PSD3: variants seen among roughly 807,000 people sequenced by gnomAD.
PSD3 encodes the protein PH and SEC7 domain-containing protein 3.
In PSD3, 49 loss-of-function variants were observed where a neutral mutation model predicts 105.5. The observed-to-expected ratio is 0.46, with a 90% CI of 0.37 to 0.59. The LOEUF (loss-of-function observed/expected upper bound fraction) is 0.59. Among genes scored for constraint, PSD3 ranks in the 20% least tolerant of loss-of-function variants. PSD3 has a pLI of 0.00. For synonymous variants in PSD3, 557 were observed against 457.8 expected, an observed-to-expected ratio of 1.22 and a Z score of -2.77; for missense variants, 1,561 against 1,263.8, an observed-to-expected ratio of 1.24 and a Z score of -3.57.
chr8:18,678,044 C>G (rs1290472957), intron 9 of PSD3, among the ~76,000 whole-genome samples: 1 of 150,728 alleles, frequency 6.6e-6, no homozygotes, highest in Admixed American at 6.6e-5. Flanking sequence ...AAAAAACCCA[C>G]AAAACATTAG....
At chr8:18,815,682 G>C (rs2638662) in intron 4 of PSD3, among the ~76,000 whole-genome samples, 1 of 151,902 alleles carries the variant, frequency 6.6e-6, no homozygotes, top group African/African-American at 2.4e-5. Flanking sequence ...TCTCTTTGGC[G>C]TGTTTGGAAC....
Position 18,999,553 on chromosome 8 carries a change from ATG to A in PSD3, c.21+14008_21+14009del, listed in dbSNP as rs1491106748. ...ATTATGTAAAACAAACATAAGCATAATGAGAGAGAGAGGTGTATTGCTAAATG... is the reference window on the plus strand; with the variant it reads ...ATTATGTAAAACAAACATAAGCATAAAGAGAGAGAGGTGTATTGCTAAATG... On this transcript the variant is annotated intron_variant, in intron 1 of 15. Coordinates refer to ENST00000327040, the MANE Select transcript of PSD3 (RefSeq NM_015310.4). Among the ~76,000 whole-genome samples, 12 of 73,824 alleles carry A rather than the reference ATG, an allele frequency of 1.6e-4. No homozygotes were observed. The East Asian group carries it at 9.8e-3, about 60-fold the overall frequency. The allele number at this position is 73,824 out of a possible 152,430, so 48.4% of individuals were successfully genotyped here. A position where few individuals can be genotyped will look rare whatever the true frequency, so the allele number is the denominator to read the frequency against.
chr8:18,975,295 T>C (rs747507320), intron 1 of PSD3, among the ~76,000 whole-genome samples: 4 of 149,190 alleles, frequency 2.7e-5, no homozygotes, highest in South Asian at 2.1e-4. Flanking sequence ...AGAATAATTC[T>C]AGATAAACAT....
At chr8:18,626,286 T>C (rs1478518606) in intron 11 of PSD3, among the ~76,000 whole-genome samples, 1 of 151,996 alleles carries the variant, frequency 6.6e-6, no homozygotes, top group African/African-American at 2.4e-5. Flanking sequence ...GTGAAATAAA[T>C]GGTCCATTTG....
chr8:18,761,797 C>T lies in PSD3; in HGVS notation c.2172+3652G>A, dbSNP rs73199971. ...AAGGATGCTTGAATACAAACCACAT[C>T]CAACCGCTGGGATGGGTGGAGCCAG... On this transcript the variant is annotated intron_variant, in intron 9 of 15. Coordinates refer to ENST00000327040, the MANE Select transcript of PSD3 (RefSeq NM_015310.4). Among the ~76,000 whole-genome samples the T allele has an allele frequency of 9.3e-3, 1,412 of 152,314 alleles. 16 individuals are homozygous for T. Among genetic ancestry groups the T allele is most frequent in the Non-Finnish European group, 0.016 (1,061 of 68,030 alleles).
chr8:18,549,627 G>A (rs1021268851), intron 15 of PSD3, among the ~76,000 whole-genome samples: 9 of 152,166 alleles, frequency 5.9e-5, no homozygotes, highest in East Asian at 5.8e-4. Context: ...GCAGGGAGAC[G>A]ACAACAGAAA....
At chr8:18,623,242 G>T (rs545235098) in intron 11 of PSD3, among the ~76,000 whole-genome samples, 1 of 151,572 alleles carries the variant, frequency 6.6e-6, no homozygotes, top group African/African-American at 2.4e-5. Flanking sequence ...TAATTTTCCT[G>T]TGCAGATTTT....
intron 9 of PSD3, among the ~76,000 whole-genome samples, chr8:18,663,942 T>A (rs779891567): frequency 6.6e-6 from 1 of 152,238 alleles, no homozygotes; most frequent in African/African-American, 2.4e-5. Context: ...AACATTTGAT[T>A]ATTATATTTG....
intron 12 of PSD3, among the ~76,000 whole-genome samples, chr8:18,588,789 C>T (rs184321477): frequency 1.3e-5 from 2 of 152,236 alleles, no homozygotes; most frequent in Admixed American, 1.3e-4. Flanking sequence ...ACTCAAACTC[C>T]CAATACATTT....
chr8:18,896,630 C>T (rs1052617013), intron 2 of PSD3, among the ~76,000 whole-genome samples: 3 of 151,918 alleles, frequency 2.0e-5, no homozygotes, highest in South Asian at 2.1e-4. Flanking sequence ...CCAGGCTGGT[C>T]TTGAACTCCT....
chr8:18,887,921 T>C (rs543189078), intron 2 of PSD3, among the ~76,000 whole-genome samples: 3 of 152,322 alleles, frequency 2.0e-5, no homozygotes, highest in East Asian at 1.9e-4. Context: ...AGCAGCCCTG[T>C]GGGATGGCTA....
intron 8 of PSD3, among the ~76,000 whole-genome samples, chr8:18,787,152 A>T (rs771559926): frequency 6.6e-6 from 1 of 152,232 alleles, no homozygotes; most frequent in Non-Finnish European, 1.5e-5. Flanking sequence ...AGAAGCTCAT[A>T]CACTATCACA....
intron 4 of PSD3, among the ~76,000 whole-genome samples, chr8:18,844,806 G>A (rs1168677886): frequency 6.6e-6 from 1 of 152,298 alleles, no homozygotes; most frequent in South Asian, 2.1e-4. Context: ...GAGAAGAATC[G>A]TACAGCCAAA....
chr8:18,995,251 A>C (rs1826013519), intron 1 of PSD3, among the ~76,000 whole-genome samples: 1 of 152,154 alleles, frequency 6.6e-6, no homozygotes, highest in African/African-American at 2.4e-5. Flanking sequence ...GATGTGAATG[A>C]GACCCAGAAG....
intron 9 of PSD3, among the ~76,000 whole-genome samples, chr8:18,755,609 A>T (rs1805971458): frequency 6.6e-6 from 1 of 152,162 alleles, no homozygotes. Context: ...GGGAATCATT[A>T]ATATTCCATT....
At chr8:18,788,655 AAAGCCC>A (rs1809414947) in intron 8 of PSD3, among the ~76,000 whole-genome samples, 1 of 152,186 alleles carries the variant, frequency 6.6e-6, no homozygotes, top group African/African-American at 2.4e-5. Flanking sequence ...GGAGAAACTA[AAAGCCC>A]TCATCATCCA....
At chr8:18,770,502 G>C (rs572608106) in intron 8 of PSD3, among the ~76,000 whole-genome samples, 4 of 152,122 alleles carry the variant, frequency 2.6e-5, no homozygotes, top group African/African-American at 9.7e-5. Flanking sequence ...GGGCAGATAT[G>C]GGAGTATATG....
intron 9 of PSD3, among the ~76,000 whole-genome samples, chr8:18,708,951 T>A (rs996787060): frequency 4.6e-5 from 7 of 152,128 alleles, no homozygotes; most frequent in African/African-American, 1.7e-4. Context: ...GAAACCACGC[T>A]TTTTCCAAGT....
At chr8:18,749,951 C>T (rs1036728575) in intron 9 of PSD3, among the ~76,000 whole-genome samples, 2 of 152,120 alleles carry the variant, frequency 1.3e-5, no homozygotes, top group Non-Finnish European at 2.9e-5. Flanking sequence ...CAGAAATAGA[C>T]ACAGTCCTGC....
Sources: gnomAD v4.1 joint callset for allele counts (sites outside exome capture counted in the v4.1 genomes callset) on GRCh38, gnomAD v4.1.1 for gene constraint, MANE v1.5 for transcripts, NCBI Gene and HGNC (gene_info 2026-07-23, HGNC 2026-07-21) for gene names.